The following ACER3 variants were observed in gnomAD, a reference collection of about 807,000 sequenced individuals.
ACER3 encodes alkCDase 3.
A neutral mutation model predicts 48.9 loss-of-function variants in ACER3; 16 were observed. The observed-to-expected ratio is 0.33, with a 90% CI of 0.22 to 0.50. The LOEUF is 0.50. Among genes scored for constraint, ACER3 ranks in the 20% least tolerant of loss-of-function variants. The pLI is 0.98. For synonymous variants in ACER3, 109 were observed against 107.8 expected (o/e 1.01, Z -0.07); for missense variants, 227 against 326.0 (o/e 0.70, Z 2.34).
At chr11:76,892,959 G>T (rs1412377605) in intron 1 of ACER3, among the ~76,000 whole-genome samples, 5 of 152,082 alleles carry the variant, frequency 3.3e-5, no homozygotes, top group African/African-American at 1.2e-4. Flanking sequence ...AATAAATTCA[G>T]TAAAGTTGCA....
At chr11:76,892,148 C>A in intron 1 of ACER3, among the ~76,000 whole-genome samples, 1 of 152,094 alleles carries the variant, frequency 6.6e-6, no homozygotes, top group East Asian at 1.9e-4. Context: ...CCTCGTTGGG[C>A]CTCAAGTGTT....
At chr11:76,872,130 G>A (rs1165861256) in intron 1 of ACER3, among the ~76,000 whole-genome samples, 4 of 150,368 alleles carry the variant, frequency 2.7e-5, no homozygotes, top group Non-Finnish European at 5.9e-5. Flanking sequence ...AGGCTGGAGT[G>A]CAGTGGCACC....
chr11:77,016,714 C>T lies in ACER3; in HGVS notation c.639C>T (p.Thr213=), dbSNP rs782187738. 1.2e-6 allele frequency: 2 copies of T among 1,603,202 alleles called. No homozygotes were observed. The highest frequency in any genetic ancestry group is 1.7e-6 in the Non-Finnish European group (2 of 1,173,756). The change falls in exon 9 of 11, where the codon ACC becomes ACT. Residue 213 remains threonine, a synonymous_variant. Coordinates refer to ENST00000532485, the MANE Select transcript of ACER3 (RefSeq NM_018367.7). ...RKKVPPIIGI[T]TQFHAWWHIL... ...AGGTACCACCTATCATAGGTATTAC[C>T]ACACAATTTCATGCATGGTGGCATA...
intron 7 of ACER3, among the ~76,000 whole-genome samples, chr11:76,999,661 C>T (rs1555019387): frequency 6.6e-6 from 1 of 152,248 alleles, no homozygotes; most frequent in Non-Finnish European, 1.5e-5. Flanking sequence ...CTCTGGTGAT[C>T]ACTTAATCTG....
At chr11:76,947,243 C>T (rs765765486) in intron 2 of ACER3, among the ~76,000 whole-genome samples, 1 of 152,196 alleles carries the variant, frequency 6.6e-6, no homozygotes, top group Admixed American at 6.5e-5. Flanking sequence ...ATGAACAACA[C>T]ACCTTCCCTG....
chr11:76,879,708 GATTA>G (rs1945475716), intron 1 of ACER3, among the ~76,000 whole-genome samples: 1 of 152,154 alleles, frequency 6.6e-6, no homozygotes, highest in Non-Finnish European at 1.5e-5. Context: ...TAATATGACT[GATTA>G]ATTGATTGCT....
chr11:76,868,740 AC>A (rs767948455), intron 1 of ACER3, among the ~76,000 whole-genome samples: 1 of 152,134 alleles, frequency 6.6e-6, no homozygotes, highest in Non-Finnish European at 1.5e-5. Context: ...ATTAGACTAT[AC>A]CTTTTTTGTC....
At chr11:76,958,693 C>T (rs1947909280) in intron 2 of ACER3, 6 of 420,236 alleles carry the variant, frequency 1.4e-5, no homozygotes, top group Non-Finnish European at 2.2e-5. Flanking sequence ...TGCATTAAAA[C>T]TTATCCTGAG....
intron 7 of ACER3, among the ~76,000 whole-genome samples, chr11:77,004,659 T>C (rs530760561): frequency 6.6e-6 from 1 of 152,358 alleles, no homozygotes; most frequent in Admixed American, 6.5e-5. Flanking sequence ...TGTCATTATG[T>C]AATGTTCCTC....
Position 76,944,208 on chromosome 11 carries a change from C to G in ACER3, c.215-14771C>G, listed in dbSNP as rs560348598. On this transcript the variant is annotated intron_variant, in intron 2 of 10. Transcript: ENST00000532485. ...GTTCCTGTCCATTGTTAATTGTTTT[C>G]TAGTTGTCTTTTTGTCTTTGTGGTT... Among the ~76,000 whole-genome samples the G allele has an allele frequency of 3.9e-5, 6 of 151,972 alleles. No homozygotes were observed. In the South Asian group the frequency reaches 1.2e-3, roughly 32 times the overall value.
intron 1 of ACER3, among the ~76,000 whole-genome samples, chr11:76,926,027 A>G (rs1946821799): frequency 6.6e-6 from 1 of 152,220 alleles, no homozygotes; most frequent in East Asian, 1.9e-4. Flanking sequence ...TCAAATTAAG[A>G]TCCATTAATT....
At chr11:76,994,889 C>G (rs1391723422) in intron 6 of ACER3, among the ~76,000 whole-genome samples, 1 of 151,936 alleles carries the variant, frequency 6.6e-6, no homozygotes, top group African/African-American at 2.4e-5. Flanking sequence ...CAGTCAGGAG[C>G]CATTAAAGGG....
chr11:76,967,285 A>C (rs1244066940), intron 3 of ACER3, among the ~76,000 whole-genome samples: 11 of 152,242 alleles, frequency 7.2e-5, no homozygotes, highest in Non-Finnish European at 1.2e-4. Context: ...GAATAGACCA[A>C]TAACAGGCTC....
intron 1 of ACER3, among the ~76,000 whole-genome samples, chr11:76,872,150 C>T (rs1945259595): frequency 6.6e-6 from 1 of 151,596 alleles, no homozygotes; most frequent in African/African-American, 2.4e-5. Context: ...CACCTTGGCT[C>T]ACTGCAACCT....
At chr11:76,931,353 G>A (rs1275864518) in intron 2 of ACER3, among the ~76,000 whole-genome samples, 1 of 145,032 alleles carries the variant, frequency 6.9e-6, no homozygotes, top group Non-Finnish European at 1.5e-5. Flanking sequence ...TTGAGCCTAT[G>A]TGTGTCTCTG....
At chr11:76,984,683 G>A (rs1948651391) in intron 4 of ACER3, among the ~76,000 whole-genome samples, 1 of 152,160 alleles carries the variant, frequency 6.6e-6, no homozygotes, top group Non-Finnish European at 1.5e-5. Context: ...TGCACACAAG[G>A]AATTCACAGG....
chr11:76,922,951 T>A (rs1445860929), intron 1 of ACER3, among the ~76,000 whole-genome samples: 1 of 152,126 alleles, frequency 6.6e-6, no homozygotes, highest in Non-Finnish European at 1.5e-5. Context: ...TCTTAATACA[T>A]CTATGAAACT....
chr11:76,937,702 C>T (rs2134900819), intron 2 of ACER3, among the ~76,000 whole-genome samples: 1 of 152,016 alleles, frequency 6.6e-6, no homozygotes, highest in East Asian at 1.9e-4. Context: ...CTGTCTACTG[C>T]AGGGGGTGGA....
intron 1 of ACER3, among the ~76,000 whole-genome samples, chr11:76,867,860 G>T (rs1451547247): frequency 6.6e-6 from 1 of 152,166 alleles, no homozygotes; most frequent in Non-Finnish European, 1.5e-5. Context: ...GCTAGGTATT[G>T]TTCCTTCTCA....
Sources: gnomAD v4.1 joint callset for allele counts (sites outside exome capture counted in the v4.1 genomes callset) on GRCh38, gnomAD v4.1.1 for gene constraint, MANE v1.5 for transcripts, NCBI Gene and HGNC (gene_info 2026-07-23, HGNC 2026-07-21) for gene names.